NOS3: variants seen among roughly 807,000 people sequenced by gnomAD.
NOS3 encodes the protein nitric oxide synthase 3, also known as NOS type III.
A neutral mutation model predicts 144.9 loss-of-function variants in NOS3; 98 were observed. The observed-to-expected ratio is 0.68, with a 90% CI of 0.57 to 0.80. The LOEUF (loss-of-function observed/expected upper bound fraction) is 0.80. NOS3 is among the 30% of genes least tolerant of loss of function. The probability of loss-of-function intolerance (pLI) is 0.00; values close to 1 mark genes in which losing one functional copy is unlikely to be tolerated. For missense variants in NOS3, 1,465 were observed against 1,656.4 expected (o/e 0.88, Z 2.01); for synonymous variants, 714 against 702.4 (o/e 1.02, Z -0.26).
In NOS3 at chr7:151,009,251, CA is replaced by C; in HGVS notation, c.2311del (p.Ser771AlafsTer29). ...QATIRSVENL[Q>X]SSKSTRATIL... ...TACAATCCGCTCAGTGGAAAACCTG[CA>C]AAGCAGCAAGTCCACGTGAGGACGA... On this transcript the variant is annotated frameshift_variant, in exon 19 of 27. Coordinates refer to ENST00000297494, the MANE Select transcript of NOS3 (RefSeq NM_000603.5). LOFTEE classifies it high-confidence loss of function. The C allele has an allele frequency of 6.2e-7, 1 of 1,613,360 alleles. No individual in the cohort carries two copies. The highest frequency in any genetic ancestry group is 8.5e-7 in the Non-Finnish European group (1 of 1,179,488).
Position 151,010,160 on chromosome 7 carries a change from GCA to G in NOS3, c.2560_2561del (p.Thr854AlafsTer177). ...GTGCGGGACCCCCGGCTGCCCCCGT[GCA>G]CGCTGCGCCAGGCTCTCACCTTCTT... On this transcript the variant is annotated frameshift_variant, in exon 21 of 27. Coordinates refer to ENST00000297494, the MANE Select transcript of NOS3 (RefSeq NM_000603.5). LOFTEE classifies it high-confidence loss of function. 1 of 1,610,684 alleles carries G rather than the reference GCA, an allele frequency of 6.2e-7. No homozygotes were observed. The highest frequency in any genetic ancestry group is 8.5e-7 in the Non-Finnish European group (1 of 1,179,098).
chr7:151,012,136 A>T, intron 23 of NOS3: 1 of 516,554 alleles, frequency 1.9e-6, no homozygotes, highest in Non-Finnish European at 3.5e-6. Flanking sequence ...GTATTCTTCA[A>T]TCCAAAATGA....
chr7:151,010,479 T>C, intron 21 of NOS3, 118 bp from the exon 22 acceptor site: 5 of 1,174,582 alleles, frequency 4.3e-6, no homozygotes, highest in Non-Finnish European at 5.9e-6. Context: ...GAGAAAACTC[T>C]ATTGGCCTGA....
chr7:151,012,586 G>T, intron 24 of NOS3, 114 bp downstream of exon 24: 1 of 1,330,700 alleles, frequency 7.5e-7, no homozygotes, highest in African/African-American at 1.4e-5. Context: ...AGTCCACAAA[G>T]CTGAAAAGAC....
chr7:151,010,300 C>T lies in NOS3; in HGVS notation c.2685+13C>T. 6.2e-7 allele frequency: 1 copy of T among 1,608,684 alleles called. No individual in the cohort carries two copies. Among genetic ancestry groups the T allele is most frequent in the Non-Finnish European group, 8.5e-7 (1 of 1,177,730 alleles). ...GGCCCTCAGCCAGGTTGGGGGCCAC[C>T]CCAATGAGGCACAGGGGCTAGAGAG... On this transcript the variant is annotated intron_variant, in intron 21 of 26. Transcript: ENST00000297494.
chr7:151,013,447 G>T, intron 25 of NOS3, 68 bp downstream of exon 25: 10 of 1,534,082 alleles, frequency 6.5e-6, no homozygotes, highest in Non-Finnish European at 8.8e-6. Flanking sequence ...GCGCTCTCCA[G>T]CGGGGCACAC....
chr7:151,002,066 A>C lies in NOS3; in HGVS notation c.1647+101A>C, dbSNP rs13305985. The C allele has an allele frequency of 5.3e-6, 8 of 1,510,422 alleles. No individual in the cohort carries two copies. In the East Asian group the frequency reaches 1.8e-4, roughly 34 times the overall value. 93.6% of individuals were successfully genotyped at this position (1,510,422 alleles called of 1,614,324 possible). A position where few individuals can be genotyped will look rare whatever the true frequency, so the allele number is the denominator to read the frequency against. ...CAGGAAGTGTTACAAGTCAGGACTC[A>C]TGAGGAACCCGGAACCACAGGTGTT... is the stretch of plus-strand genomic sequence containing the variant. On this transcript the variant is annotated intron_variant, in intron 13 of 26. Transcript: ENST00000297494. The surrounding 1 kb of genome is among the most constrained non-coding windows in gnomAD (Gnocchi z 4.1).
Position 150,993,343 on chromosome 7 carries a change from G to A in NOS3, c.-51-410G>A, listed in dbSNP as rs1361634202. Among the ~76,000 whole-genome samples the A allele has an allele frequency of 1.3e-5, 2 of 152,182 alleles. No individual in the cohort carries two copies. Among genetic ancestry groups the A allele is most frequent in the African/African-American group, 2.4e-5 (1 of 41,438 alleles). On this transcript the variant is annotated intron_variant, in intron 1 of 26. Coordinates refer to ENST00000297494, the MANE Select transcript of NOS3 (RefSeq NM_000603.5). The surrounding 1 kb of genome is among the most constrained non-coding windows in gnomAD (Gnocchi z 4.0). ...GTCCCTGTGGTCACTGAGAGTGTGG[G>A]CTGCCATCCCCTGCTACAGAAACGG... is the stretch of plus-strand genomic sequence containing the variant.
intron 18 of NOS3, 58 bp from the exon 19 acceptor site, chr7:151,009,131 T>C (rs1333795865): frequency 1.2e-6 from 2 of 1,612,876 alleles, no homozygotes; most frequent in Admixed American, 1.7e-5. Context: ...TAAAGCACTC[T>C]GGGGCCAGGC....
At chr7:151,008,520 AG>A (rs1318036832) in intron 17 of NOS3, among the ~76,000 whole-genome samples, 1 of 152,220 alleles carries the variant, frequency 6.6e-6, no homozygotes, top group Non-Finnish European at 1.5e-5. Flanking sequence ...CTTTACATAA[AG>A]TATCTCATTT....
chr7:151,007,771 G>A (rs1482686638), intron 17 of NOS3, among the ~76,000 whole-genome samples: 4 of 152,256 alleles, frequency 2.6e-5, no homozygotes, highest in African/African-American at 7.2e-5. Flanking sequence ...GCAAGCACAG[G>A]GAGAGGTGGA....
chr7:151,001,646 A>G, intron 12 of NOS3, 29 bp downstream of exon 12: 1 of 1,604,628 alleles, frequency 6.2e-7, no homozygotes, highest in East Asian at 2.2e-5. Context: ...CCGCTCTCCC[A>G]CACACACCCT....
chr7:151,009,666 AGGACCCGACCCAGGGGGT>A, intron 20 of NOS3, 81 bp downstream of exon 20: 4 of 1,293,208 alleles, frequency 3.1e-6, no homozygotes, highest in Non-Finnish European at 4.1e-6. Flanking sequence ...CCAGGAGCTC[AGGACCCGACCCAGGGGGT>A]GGCCACCTCC....
chr7:151,009,710 G>A, intron 20 of NOS3, 125 bp downstream of exon 20: 1 of 813,094 alleles, frequency 1.2e-6, no homozygotes. Flanking sequence ...AGCTCAGCAG[G>A]CAGGCTCAGA....
Position 151,003,533 on chromosome 7 carries a change from T to C in NOS3, c.1752+1229T>C, listed in dbSNP as rs574349736. Reference sequence around the variant, plus strand: ...TTTTCAAGAAAAATAGCACCAGCAATTGACTTTTTTTTAGCATAAAGGTGT... The same window carrying C: ...TTTTCAAGAAAAATAGCACCAGCAACTGACTTTTTTTTAGCATAAAGGTGT... On this transcript the variant is annotated intron_variant, in intron 14 of 26. Transcript: ENST00000297494. This position sits in a 1 kb window ranked among gnomAD's most constrained non-coding sequence, Gnocchi z 4.1. 4 of 1,271,370 alleles carry C rather than the reference T, an allele frequency of 3.1e-6. No homozygotes were observed. In the African/African-American group the frequency reaches 6.2e-5, roughly 20 times the overall value. 78.8% of individuals were successfully genotyped at this position (1,271,370 alleles called of 1,614,324 possible). A position where few individuals can be genotyped will look rare whatever the true frequency, so the allele number is the denominator to read the frequency against.
In NOS3 at chr7:151,014,197, C is replaced by A. The variant is rs1424817041; in HGVS notation, c.*28C>A. The A allele has an allele frequency of 1.9e-6, 3 of 1,578,866 alleles. No individual in the cohort carries two copies. Among genetic ancestry groups the A allele is most frequent in the South Asian group, 2.2e-5 (2 of 89,092 alleles). The stretch of plus-strand genomic sequence containing the variant: ...GCCGCCTGGCTTTCCCTTCCAGTTC[C>A]GGGAGAGCGGCTGCCCGACTCAGGT... On this transcript the variant is annotated 3_prime_UTR_variant, in exon 27 of 27. Coordinates refer to ENST00000297494, the MANE Select transcript of NOS3 (RefSeq NM_000603.5).
chr7:151,004,951 C>A (rs370521303), intron 14 of NOS3, among the ~76,000 whole-genome samples: 247 of 152,140 alleles, frequency 1.6e-3, no homozygotes, highest in African/African-American at 5.8e-3. Flanking sequence ...TCCGCCTCCC[C>A]GGTTCAAGCG....
At chr7:151,007,735 C>T (rs960431928) in intron 17 of NOS3, among the ~76,000 whole-genome samples, 29 of 152,252 alleles carry the variant, frequency 1.9e-4, no homozygotes, top group African/African-American at 5.8e-4. Context: ...GTGCCTGCAC[C>T]GCAGAACTGG....
rs891535163 is a variant in NOS3 at position 150,999,489 on chromosome 7, TG to T, written c.1131+128del. 5.7e-6 allele frequency: 6 copies of T among 1,048,796 alleles called. No individual in the cohort carries two copies. The Admixed American group carries it at 1.6e-4, about 28-fold the overall frequency. 65.0% of individuals were successfully genotyped at this position (1,048,796 alleles called of 1,614,324 possible). A position where few individuals can be genotyped will look rare whatever the true frequency, so the allele number is the denominator to read the frequency against. On this transcript the variant is annotated intron_variant, in intron 9 of 26. Coordinates refer to ENST00000297494, the MANE Select transcript of NOS3 (RefSeq NM_000603.5). ...AGCAGGTCCAGGGTTGCCTCCTAAATGGGAACTGAGGACAAGCTCTAGAACC... is the reference window on the plus strand; with the variant it reads ...AGCAGGTCCAGGGTTGCCTCCTAAATGGAACTGAGGACAAGCTCTAGAACC...
Sources: gnomAD v4.1 joint callset for allele counts (sites outside exome capture counted in the v4.1 genomes callset) on GRCh38, gnomAD v4.1.1 for gene constraint, Gnocchi (gnomAD v3.1) non-coding constraint, MANE v1.5 for transcripts, NCBI Gene and HGNC (gene_info 2026-07-23, HGNC 2026-07-21) for gene names.